The following PLXND1 variants were observed in gnomAD, a reference collection of about 807,000 sequenced individuals.
PLXND1 encodes the protein plexin D1.
In PLXND1, 54 loss-of-function variants were observed where a neutral mutation model predicts 197.7. The observed-to-expected ratio is 0.27, with a 90% CI of 0.22 to 0.34. The LOEUF is 0.34. PLXND1 is among the 10% of genes least tolerant of loss of function. The probability of loss-of-function intolerance (pLI) is 1.00; values close to 1 mark genes in which losing one functional copy is unlikely to be tolerated. For synonymous variants in PLXND1, 1,180 were observed against 1,161.2 expected, an observed-to-expected ratio of 1.02 and a Z score of -0.33; for missense variants, 2,127 against 2,699.2, an observed-to-expected ratio of 0.79 and a Z score of 4.70.
Position 129,555,781 on chromosome 3 carries a change from A to T in PLXND1, c.*531T>A. On this transcript the variant is annotated 3_prime_UTR_variant, in exon 36 of 36. Coordinates refer to ENST00000324093, the MANE Select transcript of PLXND1 (RefSeq NM_015103.3). Reference sequence around the variant, plus strand: ...GCCCAAGCAACAAAAATCTGACACTACTTGAAACTGTCTGTGGCCAGGATC... The same window carrying T: ...GCCCAAGCAACAAAAATCTGACACTTCTTGAAACTGTCTGTGGCCAGGATC... 1 of 458,970 alleles carries T rather than the reference A, an allele frequency of 2.2e-6. No individual in the cohort carries two copies. The highest frequency in any genetic ancestry group is 3.8e-6 in the Non-Finnish European group (1 of 262,058). The allele number at this position is 458,970 out of a possible 1,614,324, so 28.4% of individuals were successfully genotyped here.
intron 1 of PLXND1, among the ~76,000 whole-genome samples, chr3:129,590,612 G>A (rs16861373): frequency 0.12 from 17,798 of 152,146 alleles, 1,382 homozygotes; most frequent in East Asian, 0.38. Flanking sequence ...GGATGTCATG[G>A]GCCCATTTTG....
At chr3:129,598,575 C>A (rs148241801) in intron 1 of PLXND1, among the ~76,000 whole-genome samples, 2 of 152,302 alleles carry the variant, frequency 1.3e-5, no homozygotes, top group African/African-American at 4.8e-5. Context: ...CCCCAGCCCG[C>A]GACCATGATG....
Position 129,555,385 on chromosome 3 carries a change from A to G in PLXND1, c.*927T>C, listed in dbSNP as rs2108758771. On this transcript the variant is annotated 3_prime_UTR_variant, in exon 36 of 36. Transcript: ENST00000324093. ...TTCTGGCAGGAACGGAGTGGGTGGT[A>G]GTCTCAGGCGCCAGGGGCGCTCTGC... 2 of 625,958 alleles carry G rather than the reference A, an allele frequency of 3.2e-6. No individual in the cohort carries two copies. Among genetic ancestry groups the G allele is most frequent in the South Asian group, 1.8e-5 (1 of 55,754 alleles). 38.8% of individuals were successfully genotyped at this position (625,958 alleles called of 1,614,324 possible).
chr3:129,567,444 C>T, intron 22 of PLXND1, 48 bp downstream of exon 22: 1 of 1,145,674 alleles, frequency 8.7e-7, no homozygotes, highest in Non-Finnish European at 1.3e-6. Context: ...GTCGAGTTGC[C>T]TTGAGGTGGC....
intron 1 of PLXND1, 72 bp from the exon 2 acceptor site, chr3:129,589,599 G>A (rs2085509180): frequency 1.5e-6 from 2 of 1,315,940 alleles, no homozygotes; most frequent in Non-Finnish European, 2.1e-6. Flanking sequence ...CAGCTGGCTG[G>A]GATCTCAGGC....
At position 129,584,034 on chromosome 3, in the gene PLXND1, T is replaced by C. The variant is rs1452300376; in HGVS notation, c.2138+91A>G. ...TGTCTACCTCTACGATGCTATGATTTTTCTTCTCAGGGCCCCCTGAAAGCA... is the reference window on the plus strand; with the variant it reads ...TGTCTACCTCTACGATGCTATGATTCTTCTTCTCAGGGCCCCCTGAAAGCA... On this transcript the variant is annotated intron_variant, in intron 7 of 35. Coordinates refer to ENST00000324093, the MANE Select transcript of PLXND1 (RefSeq NM_015103.3). 1.0e-5 allele frequency: 8 copies of C among 795,514 alleles called. No individual in the cohort carries two copies. In the African/African-American group the frequency reaches 1.4e-4, roughly 14 times the overall value. The allele number at this position is 795,514 out of a possible 1,614,324, so 49.3% of individuals were successfully genotyped here.
intron 1 of PLXND1, among the ~76,000 whole-genome samples, chr3:129,594,011 T>G (rs185026234): frequency 1.3e-5 from 2 of 152,330 alleles, no homozygotes; most frequent in African/African-American, 4.8e-5. Context: ...AGGAAGCCAG[T>G]TGGAAGGAGC....
chr3:129,561,608 C>T (rs375941419), intron 29 of PLXND1, 38 bp downstream of exon 29: 13 of 1,495,728 alleles, frequency 8.7e-6, no homozygotes, highest in Middle Eastern at 2.0e-4. Flanking sequence ...CCTGTCCACA[C>T]GCAGCCTGGG....
At chr3:129,572,495 A>T in intron 15 of PLXND1, 114 bp downstream of exon 15, 1 of 910,268 alleles carries the variant, frequency 1.1e-6, no homozygotes, top group Non-Finnish European at 1.6e-6. Flanking sequence ...TAGGGGACAC[A>T]GCCAATGAAG....
rs770678368 is a variant in PLXND1 at position 129,569,903 on chromosome 3, C to T, written c.3805G>A (p.Glu1269Lys). The change falls in exon 20 of 36, where the codon GAG becomes AAG. Residue 1269 changes from glutamate to lysine, a missense_variant. Glu to Lys is a moderately conservative substitution (Grantham distance 56). Transcript: ENST00000324093. ...ACGATGGACACGATGATGGCCGTCT[C>T]GCTGCCCCCCAGCTGCAGTGTGGCG... is the stretch of plus-strand genomic sequence containing the variant. Reference protein sequence around the residue: ...TIATLQLGGSETAIIVSIVIC... With the variant: ...TIATLQLGGSKTAIIVSIVIC... 1.9e-6 allele frequency: 3 copies of T among 1,613,616 alleles called. No homozygotes were observed. The highest frequency in any genetic ancestry group is 1.1e-5 in the South Asian group (1 of 91,066).
At chr3:129,597,424 G>C (rs6788843) in intron 1 of PLXND1, among the ~76,000 whole-genome samples, 7,867 of 152,240 alleles carry the variant, frequency 0.052, 713 homozygotes, top group African/African-American at 0.18. Flanking sequence ...AAGGGCACAG[G>C]CAAGGGGGTT....
In PLXND1 at chr3:129,589,466, T is replaced by C. The variant is rs1454405971; in HGVS notation, c.1373A>G (p.Gln458Arg). Reference sequence around the variant, plus strand: ...GAACACGGGCGTGGCCTTCAGGGGCTGCAGGATGGACAGCGGGTGCTGCAG... The same window carrying C: ...GAACACGGGCGTGGCCTTCAGGGGCCGCAGGATGGACAGCGGGTGCTGCAG... ...AHLQHPLSIL[Q>R]PLKATPVFRA... The change falls in exon 2 of 36, where the codon CAG (glutamine) becomes CGG (arginine). Residue 458 changes from glutamine (Q) to arginine (R), a missense_variant. Around this residue, in one of 6 missense-constraint regions of PLXND1, gnomAD observed 1,095 missense variants for 1,259.8 expected, o/e 0.87. Transcript: ENST00000324093. 1.2e-6 allele frequency: 2 copies of C among 1,610,648 alleles called. No individual in the cohort carries two copies. Among genetic ancestry groups the C allele is most frequent in the African/African-American group, 2.7e-5 (2 of 74,838 alleles).
In PLXND1 at chr3:129,566,011, C is replaced by T; in HGVS notation, c.4198G>A (p.Glu1400Lys). 1.2e-6 allele frequency: 2 copies of T among 1,614,142 alleles called. No individual in the cohort carries two copies. Among genetic ancestry groups the T allele is most frequent in the Non-Finnish European group, 1.7e-6 (2 of 1,180,008 alleles). Residue 1400 changes from glutamate (E) to lysine (K), a missense_variant, in exon 24 of 36, where the codon GAG becomes AAG. Glu to Lys is a moderately conservative substitution (Grantham distance 56). Around this residue, in one of 6 missense-constraint regions of PLXND1, gnomAD observed 532 missense variants for 811.0 expected, o/e 0.66. Transcript: ENST00000324093. The part of the protein sequence containing the change: ...HPLLGEWKIP[E>K]SCRPNMEEGI... ...TCTTCCATGTTGGGCCGGCAGCTCT[C>T]AGGAATCTGTGGAAGCAACTGGTGA... is the stretch of plus-strand genomic sequence containing the variant.
rs368846706 is a variant in PLXND1 at position 129,571,707 on chromosome 3, G to A, written c.3215C>T (p.Thr1072Met). ...TFWYMQNPVITAISPRRSPVS... is the reference protein window; with the variant it reads ...TFWYMQNPVIMAISPRRSPVS... ...AGGGCTGCGGCGGGGACTGATGGCC[G>A]TGATGACCGGGTTCTGCATGTACCA... The change falls in exon 16 of 36, where the codon ACG becomes ATG. Residue 1072 changes from threonine (T) to methionine (M), a missense_variant. By Grantham distance (81) the Thr-to-Met change is moderately conservative. This residue lies in a region of PLXND1 where 532 missense variants were observed against 811.0 expected (regional missense o/e 0.66). Coordinates refer to ENST00000324093, the MANE Select transcript of PLXND1 (RefSeq NM_015103.3). 9.2e-5 allele frequency: 148 copies of A among 1,613,720 alleles called. No individual in the cohort carries two copies. Among genetic ancestry groups the A allele is most frequent in the South Asian group, 2.2e-4 (20 of 91,088 alleles).
rs1230278028 is a variant in PLXND1, at chr3:129,572,870, C to A, written c.2909G>T (p.Gly970Val). 1.2e-6 allele frequency: 2 copies of A among 1,613,852 alleles called. No homozygotes were observed. Among genetic ancestry groups the A allele is most frequent in the Admixed American group, 1.7e-5 (1 of 60,010 alleles). ...GVVTVNASKE[G>V]KSRDRFSYVL... Reference sequence around the variant, plus strand: ...GTAGGAGAAGCGGTCCCGGGACTTGCCCTCCTTAGAGGCGTTCACGGTCAC... The same window carrying A: ...GTAGGAGAAGCGGTCCCGGGACTTGACCTCCTTAGAGGCGTTCACGGTCAC... Residue 970 changes from glycine (G) to valine (V), a missense_variant, in exon 14 of 36, where the codon GGC becomes GTC. This residue lies in a region of PLXND1 where 1,095 missense variants were observed against 1,259.8 expected (regional missense o/e 0.87). Transcript: ENST00000324093.
At position 129,561,760 on chromosome 3, in the gene PLXND1, CATGAGGGTGGGGAAATGGGGGCGGGGGG is replaced by C; in HGVS notation, c.4929+12_4929+39del. 1.1e-6 allele frequency: 1 copy of C among 891,886 alleles called. No individual in the cohort carries two copies. The highest frequency in any genetic ancestry group is 1.6e-6 in the Non-Finnish European group (1 of 639,754). 55.2% of individuals were successfully genotyped at this position (891,886 alleles called of 1,614,324 possible). A position where few individuals can be genotyped will look rare whatever the true frequency, so the allele number is the denominator to read the frequency against. ...CAGAGGCCGGAGGTTGGGGTGGGGG[CATGAGGGTGGGGAAATGGGGGCGGGGGG>C]CAGGGCTGCACCTTGTAATGGGCCA... On this transcript the variant is annotated intron_variant, in intron 28 of 35. Transcript: ENST00000324093.
At chr3:129,567,842 C>T in intron 20 of PLXND1, 37 bp from the exon 21 acceptor site, 1 of 1,316,266 alleles carries the variant, frequency 7.6e-7, no homozygotes, top group Non-Finnish European at 1.1e-6. Flanking sequence ...GCCTCTGGTG[C>T]CCTTTGGAAA....
At position 129,586,267 on chromosome 3, in the gene PLXND1, G is replaced by T; in HGVS notation, c.1626C>A (p.Ala542=). The change falls in exon 4 of 36, where the codon GCC becomes GCA. Residue 542 remains alanine, a synonymous_variant. Coordinates refer to ENST00000324093, the MANE Select transcript of PLXND1 (RefSeq NM_015103.3). The stretch of plus-strand genomic sequence containing the variant: ...CGTTGCAGGCGGCGACCTTCACCCT[G>T]GCCATCTGGGGGCAGAGGTGGGGGC... ...YLYLMTSHQM[A]RVKVAACNVH... 6.4e-7 allele frequency: 1 copy of T among 1,572,748 alleles called. No homozygotes were observed.
rs769210323 is a variant in PLXND1 at position 129,571,060 on chromosome 3, G to C, written c.3580C>G (p.Pro1194Ala). ...CTCACGTGGATAACGAGGGTGAGAG[G>C]CTCCCCGGGGTGGTGCTTGATCCAC... Reference protein sequence around the residue: ...EKWIKHHPGEPLTLVIHKEQD... With the variant: ...EKWIKHHPGEALTLVIHKEQD... The change falls in exon 18 of 36, where the codon CCT becomes GCT. Residue 1194 changes from proline to alanine, a missense_variant. Coordinates refer to ENST00000324093, the MANE Select transcript of PLXND1 (RefSeq NM_015103.3). 3 of 1,613,944 alleles carry C rather than the reference G, an allele frequency of 1.9e-6. No homozygotes were observed. The highest frequency in any genetic ancestry group is 2.5e-6 in the Non-Finnish European group (3 of 1,179,922).
Sources: allele counts gnomAD v4.1 joint callset (sites outside exome capture counted in the v4.1 genomes callset), GRCh38; gene constraint gnomAD v4.1.1; regional missense constraint gnomAD v4.1.1; transcripts MANE v1.5; gene names NCBI Gene and HGNC (gene_info 2026-07-23, HGNC 2026-07-21).